The following RAI1 variants were observed in gnomAD, a reference collection of about 807,000 sequenced individuals.
The protein encoded by RAI1 is retinoic acid-induced protein 1.
RAI1 carries 9 observed loss-of-function variants against 123.8 expected under a neutral mutation model. That is an observed-to-expected ratio of 0.07 (90% CI 0.04 to 0.13). RAI1 has a LOEUF of 0.13. Ranked by LOEUF, RAI1 falls within the 10% of genes least tolerant of loss-of-function variation. The pLI is 1.00. For missense variants in RAI1, 2,256 were observed against 2,545.8 expected (o/e 0.89, Z 2.45); for synonymous variants, 1,231 against 1,127.3 (o/e 1.09, Z -1.84).
At chr17:17,803,085 CA>C (rs1167089282) in intron 3 of RAI1, among the ~76,000 whole-genome samples, 9,039 of 56,116 alleles carry the variant, frequency 0.16, 332 homozygotes, top group African/African-American at 0.28. Flanking sequence ...AATTCTGTCT[CA>C]AAAAAAAAAA....
chr17:17,709,842 C>G (rs1380968880), intron 1 of RAI1, among the ~76,000 whole-genome samples: 1 of 152,206 alleles, frequency 6.6e-6, no homozygotes, highest in Non-Finnish European at 1.5e-5. Flanking sequence ...TTCATGGAGC[C>G]AGATAGAATG....
intron 2 of RAI1, among the ~76,000 whole-genome samples, chr17:17,745,545 G>A (rs2029885249): frequency 6.6e-6 from 1 of 151,880 alleles, no homozygotes; most frequent in African/African-American, 2.4e-5. Flanking sequence ...TTACAGGCAC[G>A]TGCCACCACG....
intron 2 of RAI1, among the ~76,000 whole-genome samples, chr17:17,780,575 C>T (rs1235876262): frequency 1.3e-5 from 2 of 152,218 alleles, no homozygotes; most frequent in Non-Finnish European, 2.9e-5. Flanking sequence ...GGAATACCCC[C>T]TTCTCTTCTC....
chr17:17,798,379 G>A lies in RAI1; in HGVS notation c.5431G>A (p.Ala1811Thr), dbSNP rs1414199058. 6 of 1,609,558 alleles carry A rather than the reference G, an allele frequency of 3.7e-6. No homozygotes were observed. The African/African-American group carries it at 5.3e-5, about 14-fold the overall frequency. The change falls in exon 3 of 6, where the codon GCT becomes ACT. Residue 1811 changes from alanine to threonine, a missense_variant. Physicochemically the swap from Ala to Thr is moderately conservative, Grantham distance 58. Around this residue, in one of 7 missense-constraint regions of RAI1, gnomAD observed 243 missense variants for 316.6 expected, o/e 0.77. Transcript: ENST00000353383. ...KGRKHECSKE[A>T]PAEPGGEAQE... is the part of the protein sequence containing the mutation. Reference sequence around the variant, plus strand: ...TCGCAAACATGAGTGCAGCAAGGAGGCTCCGGCAGAGCCCGGCGGGGAGGC... The same window carrying A: ...TCGCAAACATGAGTGCAGCAAGGAGACTCCGGCAGAGCCCGGCGGGGAGGC...
intron 2 of RAI1, among the ~76,000 whole-genome samples, chr17:17,791,068 A>G (rs1759076): frequency 2.0e-5 from 3 of 152,198 alleles, no homozygotes. Flanking sequence ...ATCCAGGGAG[A>G]GGAGCTGGAG....
intron 3 of RAI1, 121 bp downstream of exon 3, chr17:17,798,634 G>T: frequency 2.7e-6 from 4 of 1,489,306 alleles, no homozygotes; most frequent in Non-Finnish European, 3.6e-6. Flanking sequence ...GCAGTCTCGG[G>T]ACAATCTGCA....
chr17:17,780,528 C>CA (rs1264685512), intron 2 of RAI1, among the ~76,000 whole-genome samples: 3 of 152,196 alleles, frequency 2.0e-5, no homozygotes, highest in Admixed American at 6.5e-5. Flanking sequence ...GGGCCTAGGA[C>CA]AGGGGGACCA....
At chr17:17,736,437 C>T (rs1916437352) in intron 2 of RAI1, among the ~76,000 whole-genome samples, 1 of 152,196 alleles carries the variant, frequency 6.6e-6, no homozygotes, top group Admixed American at 6.5e-5. Context: ...CGAGAGGTCC[C>T]AAGGAACAGA....
chr17:17,700,746 A>G (rs1598020363), intron 1 of RAI1, among the ~76,000 whole-genome samples: 3 of 151,914 alleles, frequency 2.0e-5, no homozygotes, highest in Non-Finnish European at 4.4e-5. Context: ...CGTTTCATTA[A>G]TTTATCGCCC....
intron 1 of RAI1, among the ~76,000 whole-genome samples, chr17:17,692,397 G>T (rs1211519908): frequency 6.6e-6 from 1 of 152,238 alleles, no homozygotes; most frequent in Non-Finnish European, 1.5e-5. Flanking sequence ...AGCATTGAGT[G>T]CCTACTATTG....
rs534950675 is a variant in RAI1 at position 17,755,802 on chromosome 17, G to A, written c.-17+31643G>A. Among the ~76,000 whole-genome samples, 128 of 152,234 alleles carry A rather than the reference G, an allele frequency of 8.4e-4. 1 individual carries two copies. The highest frequency in any genetic ancestry group is 2.7e-3 in the African/African-American group (113 of 41,544). On this transcript the variant is annotated intron_variant, in intron 2 of 5. Transcript: ENST00000353383. ...CTGGCACCCAGCATCCCTCAGACCC[G>A]GCCTACACCCTGTCAAGCCCGCCTT...
At chr17:17,687,342 C>G (rs1914677072) in intron 1 of RAI1, among the ~76,000 whole-genome samples, 1 of 152,114 alleles carries the variant, frequency 6.6e-6, no homozygotes, top group African/African-American at 2.4e-5. Flanking sequence ...TCGGTCTCAT[C>G]TGTAAATGGG....
chr17:17,687,263 G>A (rs571426707), intron 1 of RAI1, among the ~76,000 whole-genome samples: 1 of 152,178 alleles, frequency 6.6e-6, no homozygotes, highest in African/African-American at 2.4e-5. Context: ...TAGGGGGCAG[G>A]GAAGCCATGT....
At chr17:17,729,017 G>A (rs181600628) in intron 2 of RAI1, among the ~76,000 whole-genome samples, 107 of 152,300 alleles carry the variant, frequency 7.0e-4, no homozygotes, top group African/African-American at 2.3e-3. Context: ...GTCCATTCAC[G>A]TGGGGAGCTG....
intron 1 of RAI1, among the ~76,000 whole-genome samples, chr17:17,711,813 GC>G (rs2142906493): frequency 6.6e-6 from 1 of 152,358 alleles, no homozygotes; most frequent in East Asian, 1.9e-4. Context: ...CTGTCCCAGG[GC>G]AAGCCCTCCT....
chr17:17,811,161 C>T lies in RAI1; in HGVS notation c.*1180C>T. ...CCTGACGCAGCCCCCAGCCCAGGGC[C>T]GCCCTAGCAACTTCCTGTACATATG... On this transcript the variant is annotated 3_prime_UTR_variant, in exon 6 of 6. Transcript: ENST00000353383. The T allele has an allele frequency of 3.5e-6, 1 of 288,034 alleles. No homozygotes were observed. Among genetic ancestry groups the T allele is most frequent in the Non-Finnish European group, 6.9e-6 (1 of 145,614 alleles). 17.8% of individuals were successfully genotyped at this position (288,034 alleles called of 1,614,324 possible).
chr17:17,686,719 G>A (rs914666582), intron 1 of RAI1, among the ~76,000 whole-genome samples: 5 of 151,704 alleles, frequency 3.3e-5, no homozygotes, highest in Non-Finnish European at 2.9e-5. Flanking sequence ...GGGAGAGATG[G>A]AAGTGGGGGG....
Position 17,809,202 on chromosome 17 carries a change from C to G in RAI1, c.5660-188C>G, listed in dbSNP as rs775506251. 4.6e-5 allele frequency: 32 copies of G among 694,378 alleles called. No individual in the cohort carries two copies. The highest frequency in any genetic ancestry group is 7.1e-5 in the Non-Finnish European group (27 of 382,866). The allele number at this position is 694,378 out of a possible 1,614,324, so 43.0% of individuals were successfully genotyped here. The stretch of plus-strand genomic sequence containing the variant: ...GAGTCAAGACTGCCAGGCCAGGGGC[C>G]GCACCCGCGCCGTGGAGTGGAGTGG... On this transcript the variant is annotated intron_variant, in intron 4 of 5. Transcript: ENST00000353383. This position sits in a 1 kb window ranked among gnomAD's most constrained non-coding sequence, Gnocchi z 4.9.
At chr17:17,737,027 G>A (rs1384461149) in intron 2 of RAI1, among the ~76,000 whole-genome samples, 1 of 152,174 alleles carries the variant, frequency 6.6e-6, no homozygotes, top group Non-Finnish European at 1.5e-5. Context: ...GGCATTTCTG[G>A]AGATGGATTA....
Sources: allele counts gnomAD v4.1 joint callset (sites outside exome capture counted in the v4.1 genomes callset), GRCh38; gene constraint gnomAD v4.1.1; regional missense constraint gnomAD v4.1.1; non-coding constraint Gnocchi (gnomAD v3.1); transcripts MANE v1.5; gene names NCBI Gene and HGNC (gene_info 2026-07-23, HGNC 2026-07-21).